DGKB: variants seen among roughly 807,000 people sequenced by gnomAD.
The protein encoded by DGKB is diacylglycerol kinase beta, also known as 90 kDa diacylglycerol kinase.
A neutral mutation model predicts 114.3 loss-of-function variants in DGKB; 67 were observed. The observed-to-expected ratio is 0.59, with a 90% CI of 0.48 to 0.72. The LOEUF (loss-of-function observed/expected upper bound fraction) is 0.72. Among genes scored for constraint, DGKB ranks in the 30% least tolerant of loss-of-function variants. The pLI is 0.00. For missense variants in DGKB, 907 were observed against 975.2 expected (o/e 0.93, Z 0.93); for synonymous variants, 398 against 323.1 (o/e 1.23, Z -2.49).
At chr7:14,362,665 C>T (rs920263175) in intron 21 of DGKB, among the ~76,000 whole-genome samples, 1 of 151,788 alleles carries the variant, frequency 6.6e-6, no homozygotes, top group Non-Finnish European at 1.5e-5. Context: ...AAAAATGCAA[C>T]AAAACATGGA....
chr7:14,440,490 G>C (rs1397594027), intron 21 of DGKB, among the ~76,000 whole-genome samples: 2 of 152,064 alleles, frequency 1.3e-5, no homozygotes, highest in Non-Finnish European at 2.9e-5. Flanking sequence ...ATAAATAAAG[G>C]TATGTATTTA....
chr7:14,850,888 G>T (rs1849262049), intron 1 of DGKB, among the ~76,000 whole-genome samples: 1 of 152,116 alleles, frequency 6.6e-6, no homozygotes, highest in East Asian at 1.9e-4. Context: ...TCCTCATTCA[G>T]TTTCTGAGCT....
intron 1 of DGKB, among the ~76,000 whole-genome samples, chr7:14,892,130 G>T (rs1283510180): frequency 2.0e-5 from 3 of 151,280 alleles, no homozygotes; most frequent in African/African-American, 7.3e-5. Context: ...AAGAAAATGA[G>T]GTGGGTCAAG....
chr7:14,563,674 T>A (rs919797192), intron 20 of DGKB, among the ~76,000 whole-genome samples: 5 of 150,144 alleles, frequency 3.3e-5, no homozygotes, highest in African/African-American at 1.2e-4. Flanking sequence ...TGGTTCTTGG[T>A]GGTTTAATTG....
intron 13 of DGKB, among the ~76,000 whole-genome samples, chr7:14,653,780 C>A (rs547320236): frequency 2.4e-4 from 36 of 152,016 alleles, no homozygotes; most frequent in Non-Finnish European, 4.7e-4. Context: ...AAAAGTCTTA[C>A]GATCATCATA....
At chr7:14,530,575 T>A (rs1791417370) in intron 20 of DGKB, among the ~76,000 whole-genome samples, 1 of 151,514 alleles carries the variant, frequency 6.6e-6, no homozygotes, top group African/African-American at 2.4e-5. Context: ...AAACAATGTT[T>A]TAATTGAGTT....
chr7:14,679,982 C>T (rs1206729367), intron 12 of DGKB, among the ~76,000 whole-genome samples: 5 of 151,990 alleles, frequency 3.3e-5, no homozygotes, highest in African/African-American at 9.6e-5. Flanking sequence ...GATAGAGTCT[C>T]CTGGATATAT....
At chr7:14,632,120 C>T (rs770890420) in intron 13 of DGKB, among the ~76,000 whole-genome samples, 1 of 151,976 alleles carries the variant, frequency 6.6e-6, no homozygotes, top group African/African-American at 2.4e-5. Flanking sequence ...AATTCAAGAG[C>T]TTCAGATAGA....
At chr7:14,942,773 A>G (rs1267970065) in intron 1 of DGKB, among the ~76,000 whole-genome samples, 6 of 152,066 alleles carry the variant, frequency 3.9e-5, no homozygotes, top group Non-Finnish European at 8.8e-5. Flanking sequence ...TTAGTCCTCA[A>G]TAAAAATTCA....
intron 20 of DGKB, among the ~76,000 whole-genome samples, chr7:14,529,730 A>G (rs1233923041): frequency 1.3e-5 from 2 of 151,814 alleles, no homozygotes; most frequent in Non-Finnish European, 3.0e-5. Flanking sequence ...ATAATTTTTT[A>G]GTGATTTTCT....
chr7:14,618,610 T>C (rs994773633), intron 15 of DGKB, among the ~76,000 whole-genome samples: 2 of 151,554 alleles, frequency 1.3e-5, no homozygotes. Flanking sequence ...TGTAAACCTA[T>C]GGTGTGAGCG....
chr7:14,670,181 T>C (rs937545174), intron 13 of DGKB, among the ~76,000 whole-genome samples: 1 of 152,010 alleles, frequency 6.6e-6, no homozygotes, highest in Non-Finnish European at 1.5e-5. Flanking sequence ...CATAACCATC[T>C]CCTCACATCT....
At chr7:14,863,582 C>T (rs1047649349) in intron 1 of DGKB, among the ~76,000 whole-genome samples, 3 of 151,870 alleles carry the variant, frequency 2.0e-5, no homozygotes, top group African/African-American at 7.2e-5. Flanking sequence ...AATAAGAATG[C>T]TGTAATATGA....
At chr7:14,255,618 A>C (rs1012697037) in intron 23 of DGKB, among the ~76,000 whole-genome samples, 131 of 152,166 alleles carry the variant, frequency 8.6e-4, no homozygotes, top group Non-Finnish European at 1.8e-3. Flanking sequence ...TTTCACGTGT[A>C]AAAAATAATA....
chr7:14,216,659 G>GAGGTTGCAGTGAACCGAGATTGAAACAT, intron 23 of DGKB, among the ~76,000 whole-genome samples: 1 of 148,874 alleles, frequency 6.7e-6, no homozygotes, highest in South Asian at 2.1e-4. Flanking sequence ...CCGGGAGGTG[G>GAGGTTGCAGTGAACCGAGATTGAAACAT]AGGTTGCAGT....
chr7:14,210,639 G>C (rs1584468792), intron 23 of DGKB, among the ~76,000 whole-genome samples: 1 of 152,016 alleles, frequency 6.6e-6, no homozygotes, highest in African/African-American at 2.4e-5. Context: ...CAGTCCATTA[G>C]TCTCCGCAAC....
At chr7:14,567,646 G>C (rs1797783948) in intron 20 of DGKB, among the ~76,000 whole-genome samples, 1 of 140,548 alleles carries the variant, frequency 7.1e-6, no homozygotes, top group Non-Finnish European at 1.5e-5. Context: ...TCACTCCGTT[G>C]TGCAGGCTGC....
intron 13 of DGKB, among the ~76,000 whole-genome samples, chr7:14,642,541 T>C: frequency 6.6e-6 from 1 of 152,144 alleles, no homozygotes; most frequent in East Asian, 1.9e-4. Flanking sequence ...AGAAACAACT[T>C]CACACAGAAA....
chr7:14,156,095 G>T (rs1389164904), intron 25 of DGKB, among the ~76,000 whole-genome samples: 1 of 152,096 alleles, frequency 6.6e-6, no homozygotes, highest in African/African-American at 2.4e-5. Context: ...AAAACTGAAA[G>T]AAGTGCTATC....
Sources: gnomAD v4.1 joint callset for allele counts (sites outside exome capture counted in the v4.1 genomes callset) on GRCh38, gnomAD v4.1.1 for gene constraint, MANE v1.5 for transcripts, NCBI Gene and HGNC (gene_info 2026-07-23, HGNC 2026-07-21) for gene names.